Variants in LIFR observed in about 807,000 individuals in gnomAD.
The protein encoded by LIFR is LIF receptor subunit alpha, also known as leukemia inhibitory factor receptor.
LIFR carries 84 observed loss-of-function variants against 122.2 expected under a neutral mutation model. The ratio of observed to expected loss-of-function variants is 0.69; its 90% CI spans 0.58 to 0.82. LIFR has a LOEUF of 0.82. Among genes scored for constraint, LIFR ranks in the 40% least tolerant of loss-of-function variants. LIFR has a pLI of 0.00. For synonymous variants in LIFR, 422 were observed against 434.7 expected, an observed-to-expected ratio of 0.97 and a Z score of 0.36; for missense variants, 1,294 against 1,311.6, an observed-to-expected ratio of 0.99 and a Z score of 0.21.
chr5:38,491,911 T>G (rs1425187437), intron 14 of LIFR, among the ~76,000 whole-genome samples: 1 of 152,222 alleles, frequency 6.6e-6, no homozygotes, highest in Non-Finnish European at 1.5e-5. Context: ...TCTGTACCTC[T>G]TTTTATGTTA....
At chr5:38,545,507 A>G (rs1747832973) in intron 1 of LIFR, among the ~76,000 whole-genome samples, 1 of 152,042 alleles carries the variant, frequency 6.6e-6, no homozygotes, top group South Asian at 2.1e-4. Context: ...AGCTTCCTTA[A>G]TTTTTATAAA....
chr5:38,506,686 A>G (rs1212923212), intron 7 of LIFR, 54 bp from the exon 8 acceptor site: 27 of 1,427,790 alleles, frequency 1.9e-5, no homozygotes, highest in Non-Finnish European at 2.7e-5. Context: ...CCCTGAAAAC[A>G]TAATATTTTA....
At chr5:38,594,007 T>A (rs552439594) in intron 1 of LIFR, among the ~76,000 whole-genome samples, 2 of 152,170 alleles carry the variant, frequency 1.3e-5, no homozygotes, top group South Asian at 4.2e-4. Flanking sequence ...CCAGGAAAAG[T>A]ATATGCTAGA....
intron 2 of LIFR, among the ~76,000 whole-genome samples, chr5:38,604,303 G>A (rs1377031987): frequency 6.6e-6 from 1 of 152,182 alleles, no homozygotes; most frequent in Non-Finnish European, 1.5e-5. Flanking sequence ...GCAGCAGAAA[G>A]GGGCAAGGCA....
At chr5:38,562,477 C>T (rs899165637) in intron 1 of LIFR, among the ~76,000 whole-genome samples, 1 of 152,188 alleles carries the variant, frequency 6.6e-6, no homozygotes, top group African/African-American at 2.4e-5. Context: ...TTTCTTATAG[C>T]CCATCGTACA....
rs1229315627 is a variant in LIFR at position 38,482,609 on chromosome 5, A to G, written c.2650T>C (p.Phe884Leu). ...ATTACCTCACAGACACTCTTTTGAAACTGTAATGCTTTACAGTTTTCTGGA... is the reference window on the plus strand; with the variant it reads ...ATTACCTCACAGACACTCTTTTGAAGCTGTAATGCTTTACAGTTTTCTGGA... ...PNPENCKALQ[F>L]QKSVCEGSSA... is the part of the protein sequence containing the mutation. The change falls in exon 19 of 20, where the codon TTT (phenylalanine) becomes CTT (leucine). Residue 884 changes from phenylalanine (F) to leucine (L), a missense_variant. Transcript: ENST00000453190. The G allele has an allele frequency of 1.3e-6, 2 of 1,498,020 alleles. No individual in the cohort carries two copies. The highest frequency in any genetic ancestry group is 1.3e-5 in the South Asian group (1 of 77,064). The allele number at this position is 1,498,020 out of a possible 1,614,324, so 92.8% of individuals were successfully genotyped here.
intron 1 of LIFR, among the ~76,000 whole-genome samples, chr5:38,531,638 TAAG>T (rs1032842263): frequency 6.6e-6 from 1 of 151,242 alleles, no homozygotes; most frequent in African/African-American, 2.4e-5. Context: ...AAAATTAAAA[TAAG>T]AAAAAGATTG....
chr5:38,552,037 T>C lies in LIFR; in HGVS notation c.-20+4297A>G, dbSNP rs550061509. On this transcript the variant is annotated intron_variant, in intron 1 of 19. Transcript: ENST00000453190. Reference sequence around the variant, plus strand: ...TACTCTTTTACTGAAGAGCTTTTACTATATCAGGACAAAAGGACACAGGCT... The same window carrying C: ...TACTCTTTTACTGAAGAGCTTTTACCATATCAGGACAAAAGGACACAGGCT... Among the ~76,000 whole-genome samples, 9 of 152,344 alleles carry C rather than the reference T, an allele frequency of 5.9e-5. No homozygotes were observed. In the South Asian group the frequency reaches 1.7e-3, roughly 28 times the overall value.
rs564417763 is a variant in LIFR at position 38,566,146 on chromosome 5, A to G, written c.-20+29115T>C. Among the ~76,000 whole-genome samples, 6 of 152,354 alleles carry G rather than the reference A, an allele frequency of 3.9e-5. 1 individual carries two copies. The South Asian group carries it at 1.2e-3, about 32-fold the overall frequency. On this transcript the variant is annotated intron_variant, in intron 1 of 19. Coordinates refer to the LIFR transcript ENST00000263409. ...TTTCATTTTTTCTTCCTATCATAGCACTAGATGAAGTTTTAGATATAAGCT... is the reference window on the plus strand; with the variant it reads ...TTTCATTTTTTCTTCCTATCATAGCGCTAGATGAAGTTTTAGATATAAGCT...
chr5:38,567,099 G>A (rs1209857613), intron 1 of LIFR, among the ~76,000 whole-genome samples: 1 of 152,100 alleles, frequency 6.6e-6, no homozygotes, highest in African/African-American at 2.4e-5. Context: ...CAGCTCCTTA[G>A]GTCCAATTCC....
chr5:38,590,936 T>C (rs1033082089), intron 1 of LIFR, among the ~76,000 whole-genome samples: 1 of 152,188 alleles, frequency 6.6e-6, no homozygotes, highest in African/African-American at 2.4e-5. Flanking sequence ...GAAGCAATGT[T>C]GAGAAAAAGT....
chr5:38,563,533 T>C (rs373005711), intron 1 of LIFR, among the ~76,000 whole-genome samples: 3 of 152,350 alleles, frequency 2.0e-5, no homozygotes, highest in African/African-American at 4.8e-5. Context: ...AAGATATGAA[T>C]GCACCAGTCT....
rs534251832 is a variant in LIFR at position 38,502,504 on chromosome 5, C to T, written c.1600+133G>A. On this transcript the variant is annotated intron_variant, in intron 11 of 19. Coordinates refer to ENST00000453190, the MANE Select transcript of LIFR (RefSeq NM_001127671.2). The stretch of plus-strand genomic sequence containing the variant: ...AAACTCCCAACCTCAGGTAATCTGC[C>T]CACCTCGGCCTCCCAAAGTGCTGGG... 5.7e-6 allele frequency: 4 copies of T among 705,756 alleles called. No individual in the cohort carries two copies. In the African/African-American group the frequency reaches 7.0e-5, roughly 12 times the overall value. 43.7% of individuals were successfully genotyped at this position (705,756 alleles called of 1,614,324 possible).
exon 1 of LIFR, chr5:38,608,191 C>T (rs1750371393): frequency 6.6e-6 from 1 of 152,154 alleles, no homozygotes; most frequent in South Asian, 2.1e-4. Context: ...CTTCTGTCAG[C>T]TCCATTTAGT....
At chr5:38,581,666 A>G (rs1306326048) in intron 1 of LIFR, among the ~76,000 whole-genome samples, 2 of 152,186 alleles carry the variant, frequency 1.3e-5, no homozygotes, top group Non-Finnish European at 2.9e-5. Context: ...GTTTTCTCAC[A>G]TGTCAGAGGG....
chr5:38,486,072 T>C (rs1744272053), intron 16 of LIFR, 92 bp from the exon 17 acceptor site: 1 of 1,201,400 alleles, frequency 8.3e-7, no homozygotes, highest in Admixed American at 1.9e-5. Flanking sequence ...CCCTTCTAAG[T>C]GGGTCTAGCT....
At chr5:38,576,779 G>A (rs903820029) in intron 1 of LIFR, among the ~76,000 whole-genome samples, 3 of 152,184 alleles carry the variant, frequency 2.0e-5, no homozygotes, top group Admixed American at 1.3e-4. Flanking sequence ...AATCAAGTAC[G>A]TATTATTTCT....
chr5:38,556,998 G>GCCGCTGCT, upstream of LIFR: 1 of 152,328 alleles, frequency 6.6e-6, no homozygotes, highest in Admixed American at 6.5e-5. Context: ...CCCCGAATGC[G>GCCGCTGCT]GCCGCTGCTG....
chr5:38,603,954 A>G (rs1448401344), intron 2 of LIFR, among the ~76,000 whole-genome samples: 1 of 152,162 alleles, frequency 6.6e-6, no homozygotes, highest in Non-Finnish European at 1.5e-5. Flanking sequence ...TTATGTCCTA[A>G]TGATCTCCAG....
Sources: allele counts gnomAD v4.1 joint callset (sites outside exome capture counted in the v4.1 genomes callset), GRCh38; gene constraint gnomAD v4.1.1; transcripts MANE v1.5; gene names NCBI Gene and HGNC (gene_info 2026-07-23, HGNC 2026-07-21).